Variants in SBF2 observed in about 807,000 individuals in gnomAD.
The protein encoded by SBF2 is SET binding factor 2.
Under a neutral mutation model 225.2 loss-of-function variants are expected in SBF2, and 112 were observed. That is an observed-to-expected ratio of 0.50 (90% CI 0.43 to 0.58). SBF2 has a LOEUF of 0.58. Among genes scored for constraint, SBF2 ranks in the 20% least tolerant of loss-of-function variants. The pLI is 0.00. For synonymous variants in SBF2, 763 were observed against 773.3 expected, an observed-to-expected ratio of 0.99 and a Z score of 0.22; for missense variants, 1,996 against 2,206.2, an observed-to-expected ratio of 0.90 and a Z score of 1.91.
chr11:9,871,400 A>G (rs1359917045), intron 17 of SBF2, among the ~76,000 whole-genome samples: 2 of 151,594 alleles, frequency 1.3e-5, no homozygotes, highest in Non-Finnish European at 2.9e-5. Flanking sequence ...AAAGCTCACC[A>G]TCACTGATCA....
rs369544329 is a variant in SBF2, at chr11:10,270,893, G to A, written c.55+23122C>T. On this transcript the variant is annotated intron_variant, in intron 1 of 39. Transcript: ENST00000256190. The stretch of plus-strand genomic sequence containing the variant: ...GCCTGTAGTCCCAGCTACTGGGGAG[G>A]CTGAGGCAGGAGAATGGCGTGAACC... Among the ~76,000 whole-genome samples the A allele has an allele frequency of 2.7e-5, 4 of 150,724 alleles. No individual in the cohort carries two copies. The East Asian group carries it at 7.8e-4, about 30-fold the overall frequency.
At position 9,853,670 on chromosome 11, in the gene SBF2, C is replaced by A. The variant is rs1188902466; in HGVS notation, c.2406G>T (p.Gly802=). 6.2e-7 allele frequency: 1 copy of A among 1,613,942 alleles called. No homozygotes were observed. The highest frequency in any genetic ancestry group is 1.3e-5 in the African/African-American group (1 of 75,034). Residue 802 remains glycine, a synonymous_variant, in exon 20 of 40, where the codon GGG becomes GGT. Transcript: ENST00000256190. ...TGTCAGTATTCTCTGAATCTTCAAA[C>A]CCACTCTCTGTATCATAGCTCTCAG... The part of the protein sequence containing the change: ...SVAESYDTES[G]FEDSENTDIA...
At chr11:10,069,789 A>G (rs745709910) in intron 2 of SBF2, among the ~76,000 whole-genome samples, 1 of 152,086 alleles carries the variant, frequency 6.6e-6, no homozygotes, top group Non-Finnish European at 1.5e-5. Context: ...GTGTAAAAGC[A>G]TTCCTATTTC....
At chr11:10,266,755 T>C (rs1446491076) in intron 1 of SBF2, among the ~76,000 whole-genome samples, 1 of 152,186 alleles carries the variant, frequency 6.6e-6, no homozygotes, top group East Asian at 1.9e-4. Flanking sequence ...TTTCCCAGGA[T>C]AAGTTTTGGC....
At chr11:9,850,401 A>G (rs1856840208) in intron 21 of SBF2, among the ~76,000 whole-genome samples, 183 bp from the exon 22 acceptor site, 1 of 152,122 alleles carries the variant, frequency 6.6e-6, no homozygotes, top group Non-Finnish European at 1.5e-5. Flanking sequence ...GACTACAGGC[A>G]TGCACCACTA....
At chr11:10,231,664 T>C (rs1463811453) in intron 1 of SBF2, among the ~76,000 whole-genome samples, 2 of 152,202 alleles carry the variant, frequency 1.3e-5, no homozygotes, top group Admixed American at 6.5e-5. Flanking sequence ...ATCGTTTCTC[T>C]GGAAGTTTTG....
chr11:10,136,721 AG>A (rs1293829125), intron 2 of SBF2, among the ~76,000 whole-genome samples: 2 of 152,252 alleles, frequency 1.3e-5, no homozygotes, highest in Non-Finnish European at 2.9e-5. Flanking sequence ...GTTAAACTAT[AG>A]GACACTCTAT....
chr11:10,046,369 C>CA (rs1007544167), intron 2 of SBF2, among the ~76,000 whole-genome samples: 9 of 151,892 alleles, frequency 5.9e-5, no homozygotes, highest in African/African-American at 2.2e-4. Flanking sequence ...AACATAAAAG[C>CA]AAAAATATTA....
At chr11:10,259,379 C>A (rs909525346) in intron 1 of SBF2, among the ~76,000 whole-genome samples, 1 of 152,192 alleles carries the variant, frequency 6.6e-6, no homozygotes. Flanking sequence ...GTGCTCTGTA[C>A]ATAGAAAGCA....
intron 25 of SBF2, among the ~76,000 whole-genome samples, chr11:9,841,384 CAT>C (rs1363047446): frequency 4.4e-4 from 67 of 152,184 alleles, no homozygotes; most frequent in Non-Finnish European, 2.9e-5. Context: ...TGGTTTGACA[CAT>C]GACTGTGAAA....
At chr11:10,176,429 T>C (rs564703018) in intron 2 of SBF2, among the ~76,000 whole-genome samples, 261 of 151,502 alleles carry the variant, frequency 1.7e-3, no homozygotes, top group Non-Finnish European at 2.9e-3. Context: ...ATCAACAAAA[T>C]TGATAGACCA....
chr11:9,921,486 C>T lies in SBF2; in HGVS notation c.1861-25475G>A, dbSNP rs1274961305. Among the ~76,000 whole-genome samples, 8 of 152,264 alleles carry T rather than the reference C, an allele frequency of 5.3e-5. No individual in the cohort carries two copies. In the East Asian group the frequency reaches 1.5e-3, roughly 29 times the overall value. ...CATGCTGTCTAGTTATTCTAATGCTCGCTAAACTTTGAGAATCACTGCCTT... is the reference window on the plus strand; with the variant it reads ...CATGCTGTCTAGTTATTCTAATGCTTGCTAAACTTTGAGAATCACTGCCTT... On this transcript the variant is annotated intron_variant, in intron 16 of 39. Transcript: ENST00000256190.
chr11:9,873,205 CAAAAAAAAAA>C (rs56013344), intron 17 of SBF2, among the ~76,000 whole-genome samples: 1 of 60,648 alleles, frequency 1.6e-5, no homozygotes, highest in Admixed American at 2.4e-4. Flanking sequence ...GACTCTGTCT[CAAAAAAAAAA>C]AAAAAAAAAA....
chr11:10,207,249 C>T (rs1957781905), intron 1 of SBF2, among the ~76,000 whole-genome samples: 1 of 151,892 alleles, frequency 6.6e-6, no homozygotes, highest in South Asian at 2.1e-4. Flanking sequence ...ACGAAACTAC[C>T]CTTAAGGAAT....
chr11:9,915,429 G>A (rs1008979328), intron 16 of SBF2, among the ~76,000 whole-genome samples: 9 of 128,000 alleles, frequency 7.0e-5, no homozygotes, highest in Middle Eastern at 4.9e-3. Flanking sequence ...TCTGGTAACA[G>A]AGCAAGAGTC....
chr11:9,882,573 C>T (rs1200210743), intron 17 of SBF2, among the ~76,000 whole-genome samples: 3 of 152,032 alleles, frequency 2.0e-5, no homozygotes, highest in Non-Finnish European at 4.4e-5. Flanking sequence ...CTTTGGGAGG[C>T]CAAGGCGGGC....
At position 10,124,252 on chromosome 11, in the gene SBF2, A is replaced by G. The variant is rs148261553; in HGVS notation, c.141+69650T>C. Among the ~76,000 whole-genome samples, 15 of 152,318 alleles carry G rather than the reference A, an allele frequency of 9.8e-5. 1 individual carries two copies. Among genetic ancestry groups the G allele is most frequent in the African/African-American group, 3.1e-4 (13 of 41,556 alleles). Reference sequence around the variant, plus strand: ...CTTTGTATCTTTTAACTTGGTTGACAGTATCTACCACAGTACACTAACATT... The same window carrying G: ...CTTTGTATCTTTTAACTTGGTTGACGGTATCTACCACAGTACACTAACATT... On this transcript the variant is annotated intron_variant, in intron 2 of 39. Transcript: ENST00000256190.
intron 6 of SBF2, among the ~76,000 whole-genome samples, chr11:10,010,495 A>G (rs1276002512): frequency 1.3e-5 from 2 of 152,152 alleles, no homozygotes; most frequent in Admixed American, 6.5e-5. Context: ...TAAATAGGGA[A>G]TCCTTCCTCC....
At chr11:10,222,526 C>T (rs150784342) in intron 1 of SBF2, among the ~76,000 whole-genome samples, 204 of 151,958 alleles carry the variant, frequency 1.3e-3, no homozygotes, top group Non-Finnish European at 2.3e-3. Context: ...AGAATGAAGA[C>T]GACAGAGAAA....
Sources: gnomAD v4.1 joint callset for allele counts (sites outside exome capture counted in the v4.1 genomes callset) on GRCh38, gnomAD v4.1.1 for gene constraint, MANE v1.5 for transcripts, NCBI Gene and HGNC (gene_info 2026-07-23, HGNC 2026-07-21) for gene names.